DMD: variants seen among roughly 807,000 people sequenced by gnomAD.
DMD encodes mutant dystrophin.
DMD carries 63 observed loss-of-function variants against 330.1 expected under a neutral mutation model. The ratio of observed to expected loss-of-function variants is 0.19; its 90% CI spans 0.16 to 0.24. The LOEUF (loss-of-function observed/expected upper bound fraction) is 0.24, where lower values mean the gene tolerates loss of function less well. DMD is among the 10% of genes least tolerant of loss of function. The probability of loss-of-function intolerance (pLI) is 1.00; values close to 1 mark genes in which losing one functional copy is unlikely to be tolerated. For synonymous variants in DMD, 1,223 were observed against 959.8 expected, an observed-to-expected ratio of 1.27 and a Z score of -5.07; for missense variants, 3,344 against 2,684.1, an observed-to-expected ratio of 1.25 and a Z score of -5.43.
rs769688302 is a variant in DMD, at chrX:32,386,364, T to A, written c.4620A>T (p.Glu1540Asp). The change falls in exon 33 of 79, where the codon GAA becomes GAT. Residue 1540 changes from glutamate (E) to aspartate (D), a missense_variant. Coordinates refer to ENST00000357033, the MANE Select transcript of DMD (RefSeq NM_004006.3). ...TCAAAGCTGTTACTCTTTCATCAAG[T>A]TCTTTGGGATTTTCCGTCTGCTTTT... Reference protein sequence around the residue: ...VQKKQTENPKELDERVTALKL... With the variant: ...VQKKQTENPKDLDERVTALKL... 2.5e-6 allele frequency: 3 copies of A among 1,207,467 alleles called. No homozygotes were observed. In the South Asian group the frequency reaches 5.3e-5, roughly 21 times the overall value.
chrX:33,173,073 A>G (rs1039490477), intron 1 of DMD, among the ~76,000 whole-genome samples: 2 of 111,767 alleles, frequency 1.8e-5, no homozygotes, highest in Admixed American at 9.5e-5. Context: ...TAATTAGTCC[A>G]AAACTTTATT....
At chrX:31,951,159 G>GTGTATATATATA (rs2095169670) in intron 45 of DMD, among the ~76,000 whole-genome samples, 11 of 71,701 alleles carry the variant, frequency 1.5e-4, no homozygotes, top group African/African-American at 6.1e-4. Flanking sequence ...ATATATATAT[G>GTGTATATATATA]TATATATATA....
intron 60 of DMD, among the ~76,000 whole-genome samples, chrX:31,412,350 A>T (rs999972681): frequency 8.9e-6 from 1 of 111,840 alleles, no homozygotes; most frequent in East Asian, 2.8e-4. Flanking sequence ...AATAGAACTC[A>T]TAATTTTCAG....
rs2052662099 is a variant in DMD at position 32,573,503 on chromosome X, G to A, written c.1812+27C>T. On this transcript the variant is annotated intron_variant, in intron 15 of 78. Coordinates refer to ENST00000357033, the MANE Select transcript of DMD (RefSeq NM_004006.3). Reference sequence around the variant, plus strand: ...AATATACAGTACTGGGTTTTTATAAGACCATTGAAAGCTAGAAAGTACATA... The same window carrying A: ...AATATACAGTACTGGGTTTTTATAAAACCATTGAAAGCTAGAAAGTACATA... 5 of 1,121,105 alleles carry A rather than the reference G, an allele frequency of 4.5e-6. No individual in the cohort carries two copies. The Middle Eastern group carries it at 1.3e-3, about 300-fold the overall frequency. 92.4% of individuals were successfully genotyped at this position (1,121,105 alleles called of 1,213,427 possible).
At chrX:31,192,967 G>C (rs2042532971) in intron 67 of DMD, among the ~76,000 whole-genome samples, 1 of 111,505 alleles carries the variant, frequency 9.0e-6, no homozygotes, top group South Asian at 3.8e-4. Context: ...AGAGCCAATG[G>C]AAGGTGCAAG....
At chrX:32,903,159 A>G (rs2086436450) in intron 2 of DMD, among the ~76,000 whole-genome samples, 1 of 101,366 alleles carries the variant, frequency 9.9e-6, no homozygotes, top group Non-Finnish European at 2.0e-5. Context: ...AAAAAAAAAA[A>G]AAAAAAGAAA....
At chrX:33,133,286 C>T (rs535857638) in intron 1 of DMD, among the ~76,000 whole-genome samples, 17 of 111,435 alleles carry the variant, frequency 1.5e-4, no homozygotes, top group African/African-American at 5.2e-4. Flanking sequence ...TTCGAATGTA[C>T]AGATTTAAAA....
At chrX:32,484,817 C>G in intron 21 of DMD, 102 bp downstream of exon 21, 2 of 855,141 alleles carry the variant, frequency 2.3e-6, no homozygotes. Context: ...GAGAATGGTT[C>G]CATTTACAGA....
chrX:31,291,019 C>T (rs190607835), intron 62 of DMD, among the ~76,000 whole-genome samples: 1 of 112,116 alleles, frequency 8.9e-6, no homozygotes, highest in African/African-American at 3.2e-5. Context: ...TATTTGCAGA[C>T]TTGGATGTCT....
chrX:33,289,688 A>G, intron 1 of DMD, among the ~76,000 whole-genome samples: 1 of 111,392 alleles, frequency 9.0e-6, no homozygotes, highest in Non-Finnish European at 1.9e-5. Context: ...ATAACATTCC[A>G]GATAGCTTTT....
chrX:31,720,524 G>A (rs956088962), intron 52 of DMD, among the ~76,000 whole-genome samples: 1 of 110,975 alleles, frequency 9.0e-6, no homozygotes, highest in African/African-American at 3.3e-5. Flanking sequence ...TCTCTTTCTG[G>A]GCTCATCTCT....
chrX:32,783,204 A>G (rs764351026), intron 7 of DMD, among the ~76,000 whole-genome samples: 1 of 100,916 alleles, frequency 9.9e-6, no homozygotes, highest in South Asian at 4.3e-4. Context: ...GTATACATAT[A>G]CACATATGTG....
intron 7 of DMD, among the ~76,000 whole-genome samples, chrX:32,757,664 G>A (rs2071677712): frequency 9.0e-6 from 1 of 111,455 alleles, no homozygotes; most frequent in African/African-American, 3.3e-5. Context: ...TGGAAGATGT[G>A]ACTTTGCTGC....
chrX:32,405,991 G>C (rs7882139), intron 30 of DMD, among the ~76,000 whole-genome samples: 17,037 of 110,348 alleles, frequency 0.15, 1,173 homozygotes, highest in African/African-American at 0.25. Context: ...TGGATTCCTA[G>C]GTATTTTATT....
intron 44 of DMD, among the ~76,000 whole-genome samples, chrX:32,185,991 G>C (rs185936026): frequency 3.4e-3 from 372 of 110,508 alleles, no homozygotes; most frequent in Non-Finnish European, 6.1e-3. Flanking sequence ...TTCTACCCAG[G>C]ATACCAATGA....
At chrX:31,342,428 C>G (rs1006954155) in intron 61 of DMD, among the ~76,000 whole-genome samples, 6 of 111,725 alleles carry the variant, frequency 5.4e-5, no homozygotes, top group African/African-American at 2.0e-4. Flanking sequence ...CTATAGACTC[C>G]TTATCCTCTT....
chrX:32,101,727 T>A (rs1050927612), intron 44 of DMD, among the ~76,000 whole-genome samples: 5 of 111,750 alleles, frequency 4.5e-5, no homozygotes, highest in African/African-American at 1.6e-4. Flanking sequence ...TTATAATCAG[T>A]AAGAACATTG....
intron 62 of DMD, among the ~76,000 whole-genome samples, chrX:31,262,156 A>G (rs1054880469): frequency 3.6e-5 from 4 of 112,473 alleles, no homozygotes; most frequent in Non-Finnish European, 7.5e-5. Context: ...TGGAGGGTTA[A>G]AGGATTAGTT....
chrX:33,174,998 G>T lies in DMD; in HGVS notation c.31+36284C>A, dbSNP rs778523850. ...TGACAATTTGTTGACTTCCTTCAAG[G>T]TTGGCTTAGCTTTCTTTCTCAGCCT... On this transcript the variant is annotated intron_variant, in intron 1 of 78. Transcript: ENST00000357033. Among the ~76,000 whole-genome samples, 21 of 111,798 alleles carry T rather than the reference G, an allele frequency of 1.9e-4. No homozygotes were observed. In the East Asian group the frequency reaches 2.8e-3, roughly 15 times the overall value.
Sources: gnomAD v4.1 joint callset for allele counts (sites outside exome capture counted in the v4.1 genomes callset) on GRCh38, gnomAD v4.1.1 for gene constraint, MANE v1.5 for transcripts, NCBI Gene and HGNC (gene_info 2026-07-23, HGNC 2026-07-21) for gene names.